The following PPP2R2B variants were observed in gnomAD, a reference collection of about 807,000 sequenced individuals.
PPP2R2B encodes protein phosphatase 2 regulatory subunit Bbeta.
Under a neutral mutation model 46.0 loss-of-function variants are expected in PPP2R2B, and 5 were observed. The observed-to-expected ratio is 0.11, with a 90% CI of 0.06 to 0.23. The LOEUF is 0.23. Among genes scored for constraint, PPP2R2B ranks in the 10% least tolerant of loss-of-function variants. PPP2R2B has a pLI of 1.00. For missense variants in PPP2R2B, 367 were observed against 575.0 expected, an observed-to-expected ratio of 0.64 and a Z score of 3.70; for synonymous variants, 215 against 206.7, an observed-to-expected ratio of 1.04 and a Z score of -0.34.
At chr5:146,947,108 G>A (rs1003767469) in intron 1 of PPP2R2B, among the ~76,000 whole-genome samples, 10 of 152,122 alleles carry the variant, frequency 6.6e-5, no homozygotes, top group African/African-American at 2.4e-4. Flanking sequence ...TAAACGTTTA[G>A]GGAAAAATTC....
chr5:146,892,003 G>A (rs1045226164), intron 1 of PPP2R2B, among the ~76,000 whole-genome samples: 6 of 152,174 alleles, frequency 3.9e-5, no homozygotes, highest in African/African-American at 7.2e-5. Flanking sequence ...CTCATGGAGC[G>A]ATTACCGTCA....
rs541973484 is a variant in PPP2R2B, at chr5:146,706,842, T to C, written c.71-5700A>G. 51 of 1,044,038 alleles carry C rather than the reference T, an allele frequency of 4.9e-5. No homozygotes were observed. In the African/African-American group the frequency reaches 5.8e-4, roughly 12 times the overall value. 64.7% of individuals were successfully genotyped at this position (1,044,038 alleles called of 1,614,324 possible). On this transcript the variant is annotated intron_variant, in intron 2 of 9. Transcript: ENST00000394411. ...TACTGTACCTTGACCTCAGCGATGA[T>C]GCTGTCCGTGTCCAGGGAGCGGCTG...
chr5:146,608,146 G>T (rs141649430), intron 7 of PPP2R2B, among the ~76,000 whole-genome samples: 22 of 152,294 alleles, frequency 1.4e-4, no homozygotes, highest in African/African-American at 4.1e-4. Context: ...GTAGGAGGGG[G>T]CATCCTATCT....
chr5:146,982,454 T>C (rs1398119584), intron 1 of PPP2R2B, among the ~76,000 whole-genome samples: 1 of 152,222 alleles, frequency 6.6e-6, no homozygotes, highest in Admixed American at 6.5e-5. Context: ...GTTTGATTTA[T>C]AGTCCAGGTT....
At chr5:147,076,816 T>C (rs1305919302) in intron 2 of PPP2R2B, among the ~76,000 whole-genome samples, 1 of 152,142 alleles carries the variant, frequency 6.6e-6, no homozygotes. Context: ...GAGCTTGGAC[T>C]ATATTTGATT....
upstream of PPP2R2B, among the ~76,000 whole-genome samples, chr5:147,060,282 C>T (rs982202443): frequency 6.6e-6 from 1 of 152,114 alleles, no homozygotes; most frequent in Non-Finnish European, 1.5e-5. Context: ...CTTACTTAGG[C>T]CAGGCACTGT....
At chr5:146,945,132 G>A (rs1203491086) in intron 1 of PPP2R2B, among the ~76,000 whole-genome samples, 2 of 152,098 alleles carry the variant, frequency 1.3e-5, no homozygotes, top group Non-Finnish European at 2.9e-5. Flanking sequence ...TGTAACTCCT[G>A]ATGAATACCT....
chr5:147,003,231 C>T (rs1754272124), intron 1 of PPP2R2B, among the ~76,000 whole-genome samples: 1 of 152,086 alleles, frequency 6.6e-6, no homozygotes, highest in Non-Finnish European at 1.5e-5. Context: ...CTATAACTCC[C>T]CTTCCTATTA....
rs78904967 is a variant in PPP2R2B at position 146,961,571 on chromosome 5, A to G, written c.79+94094T>C. Reference sequence around the variant, plus strand: ...CTAGGAAGCTTGAACACCTTTCCATATAACTATCAGGTGTGTATTCTTTTT... The same window carrying G: ...CTAGGAAGCTTGAACACCTTTCCATGTAACTATCAGGTGTGTATTCTTTTT... On this transcript the variant is annotated intron_variant, in intron 1 of 8. Coordinates refer to the PPP2R2B transcript ENST00000336640. 7.2e-3 allele frequency among the ~76,000 whole-genome samples: 1,091 copies of G among 152,274 alleles called. 38 individuals are homozygous for G. The East Asian group carries it at 0.098, about 14-fold the overall frequency.
intron 1 of PPP2R2B, among the ~76,000 whole-genome samples, chr5:146,908,205 T>C (rs1045284077): frequency 6.6e-6 from 1 of 152,210 alleles, no homozygotes; most frequent in Non-Finnish European, 1.5e-5. Context: ...TGATACACCA[T>C]GCAAAATATT....
intron 2 of PPP2R2B, among the ~76,000 whole-genome samples, chr5:147,061,341 G>C (rs1757251312): frequency 6.6e-6 from 1 of 152,076 alleles, no homozygotes; most frequent in African/African-American, 2.4e-5. Context: ...TGGAGGAGGT[G>C]ACATTTGAGC....
chr5:146,890,597 G>C (rs1762464464), intron 1 of PPP2R2B, among the ~76,000 whole-genome samples: 1 of 152,174 alleles, frequency 6.6e-6, no homozygotes, highest in East Asian at 1.9e-4. Flanking sequence ...CAGAATTCAA[G>C]AGTTAGATGG....
chr5:146,935,332 A>G (rs1403934698), intron 1 of PPP2R2B, among the ~76,000 whole-genome samples: 2 of 152,126 alleles, frequency 1.3e-5, no homozygotes, highest in African/African-American at 2.4e-5. Flanking sequence ...CCCTCACCAG[A>G]CTCCAAGTTT....
chr5:146,803,490 AATTT>A (rs1209916689), intron 2 of PPP2R2B, among the ~76,000 whole-genome samples: 4 of 152,220 alleles, frequency 2.6e-5, no homozygotes, highest in South Asian at 2.1e-4. Flanking sequence ...CATTTAATAA[AATTT>A]ATTTATGTTA....
chr5:146,671,684 C>A (rs954067485), intron 5 of PPP2R2B, among the ~76,000 whole-genome samples: 3 of 152,176 alleles, frequency 2.0e-5, no homozygotes, highest in African/African-American at 7.2e-5. Context: ...TGAGGCACAG[C>A]TGTAAAAGGA....
At position 146,876,897 on chromosome 5, in the gene PPP2R2B, TC is replaced by T. The variant is rs1468143489; in HGVS notation, c.70+1104del. On this transcript the variant is annotated intron_variant, in intron 2 of 9. Coordinates refer to ENST00000394411, the MANE Select transcript of PPP2R2B (RefSeq NM_181675.4). ...TCTTTCAGAGCTTGAACTCTTTTAC[TC>T]CCCCCATCACATTTCTCTAGCAGTC... Among the ~76,000 whole-genome samples the T allele has an allele frequency of 6.6e-5, 10 of 152,218 alleles. No individual in the cohort carries two copies. The South Asian group carries it at 1.5e-3, about 22-fold the overall frequency.
intron 2 of PPP2R2B, among the ~76,000 whole-genome samples, chr5:146,775,811 G>T (rs1477770617): frequency 6.6e-6 from 1 of 152,054 alleles, no homozygotes; most frequent in Admixed American, 6.6e-5. Flanking sequence ...AACAACAAAA[G>T]AAGTTGTATT....
At chr5:146,716,439 G>A (rs1780504012) in intron 2 of PPP2R2B, among the ~76,000 whole-genome samples, 1 of 151,076 alleles carries the variant, frequency 6.6e-6, no homozygotes, top group African/African-American at 2.5e-5. Context: ...ATAAAAGAAT[G>A]TAAAATCTGA....
intron 2 of PPP2R2B, among the ~76,000 whole-genome samples, chr5:146,864,396 CAAAAAAAAAAA>C (rs34780019): frequency 1.6e-4 from 5 of 31,310 alleles, no homozygotes; most frequent in African/African-American, 5.0e-4. Context: ...TAGTATTAAC[CAAAAAAAAAAA>C]AAAAAAAAAA....
Sources: allele counts gnomAD v4.1 joint callset (sites outside exome capture counted in the v4.1 genomes callset), GRCh38; gene constraint gnomAD v4.1.1; transcripts MANE v1.5; gene names NCBI Gene and HGNC (gene_info 2026-07-23, HGNC 2026-07-21).